MDGA2: variants seen among roughly 807,000 people sequenced by gnomAD.
MDGA2 encodes MAM domain containing glycosylphosphatidylinositol anchor 2.
Under a neutral mutation model 117.8 loss-of-function variants are expected in MDGA2, and 40 were observed. That is an observed-to-expected ratio of 0.34 (90% CI 0.26 to 0.44). MDGA2 has a LOEUF of 0.44. MDGA2 is among the 20% of genes least tolerant of loss of function. The probability of loss-of-function intolerance (pLI) is 1.00; values close to 1 mark genes in which losing one functional copy is unlikely to be tolerated. For missense variants in MDGA2, 1,123 were observed against 1,250.6 expected (o/e 0.90, Z 1.54); for synonymous variants, 452 against 439.0 (o/e 1.03, Z -0.37).
At chr14:47,097,732 T>A (rs1880060434) in intron 5 of MDGA2, among the ~76,000 whole-genome samples, 8 of 152,014 alleles carry the variant, frequency 5.3e-5, no homozygotes, top group Admixed American at 5.3e-4. Context: ...TACAAAGGTC[T>A]AGGCAGTGAG....
At chr14:47,151,744 AAAT>A (rs1170578254) in intron 3 of MDGA2, among the ~76,000 whole-genome samples, 2 of 151,948 alleles carry the variant, frequency 1.3e-5, no homozygotes, top group African/African-American at 2.4e-5. Context: ...ACAGTAATGT[AAAT>A]AATTATCTTA....
intron 1 of MDGA2, among the ~76,000 whole-genome samples, chr14:47,587,732 G>A (rs184670834): frequency 6.1e-4 from 93 of 151,944 alleles, no homozygotes; most frequent in Non-Finnish European, 6.9e-4. Context: ...CAATCTGCAA[G>A]CCATAAACTT....
intron 5 of MDGA2, among the ~76,000 whole-genome samples, chr14:47,110,798 AATCTATGATATATCT>A (rs1230832995): frequency 6.6e-6 from 1 of 152,154 alleles, no homozygotes; most frequent in Non-Finnish European, 1.5e-5. Flanking sequence ...ATAGCCTCTT[AATCTATGATATATCT>A]ATGTTTGGCT....
intron 5 of MDGA2, among the ~76,000 whole-genome samples, chr14:47,117,514 C>G (rs1405028972): frequency 6.6e-6 from 1 of 152,006 alleles, no homozygotes; most frequent in East Asian, 1.9e-4. Flanking sequence ...TGTGCATCAA[C>G]TGATGAATGA....
chr14:47,520,561 T>C (rs116661984), intron 1 of MDGA2, among the ~76,000 whole-genome samples: 2,192 of 152,236 alleles, frequency 0.014, 42 homozygotes, highest in African/African-American at 0.049. Flanking sequence ...TATTAGTCAT[T>C]TTTTTCTATG....
At chr14:47,593,204 T>C (rs969777045) in intron 1 of MDGA2, among the ~76,000 whole-genome samples, 1 of 152,148 alleles carries the variant, frequency 6.6e-6, no homozygotes, top group Non-Finnish European at 1.5e-5. Context: ...CCCGTCTGAA[T>C]GGCAATTACT....
At position 47,320,259 on chromosome 14, in the gene MDGA2, G is replaced by A. The variant is rs532574450; in HGVS notation, c.281-18709C>T. 2.2e-4 allele frequency among the ~76,000 whole-genome samples: 33 copies of A among 152,220 alleles called. 1 individual carries two copies. Among genetic ancestry groups the A allele is most frequent in the African/African-American group, 7.7e-4 (32 of 41,542 alleles). On this transcript the variant is annotated intron_variant, in intron 1 of 16. Coordinates refer to ENST00000399232, the MANE Select transcript of MDGA2 (RefSeq NM_001113498.3). ...TGGCTGGGTGTGGTGACTTATGCCT[G>A]TAATCTTAACCCATTGGGAAGCCAA...
At chr14:47,265,452 T>C (rs1326198234) in intron 2 of MDGA2, among the ~76,000 whole-genome samples, 1 of 152,128 alleles carries the variant, frequency 6.6e-6, no homozygotes, top group Non-Finnish European at 1.5e-5. Flanking sequence ...GCAAAATTCA[T>C]ATTTTAAATA....
At chr14:47,651,500 T>C (rs1897643812) in intron 1 of MDGA2, among the ~76,000 whole-genome samples, 1 of 152,016 alleles carries the variant, frequency 6.6e-6, no homozygotes, top group African/African-American at 2.4e-5. Context: ...AGAATGATAG[T>C]AGAGGTTCAA....
At chr14:47,236,392 A>G (rs865807446) in intron 2 of MDGA2, among the ~76,000 whole-genome samples, 2 of 151,972 alleles carry the variant, frequency 1.3e-5, no homozygotes, top group African/African-American at 4.8e-5. Flanking sequence ...TAAGCCTAGT[A>G]GGAAATGTGT....
intron 6 of MDGA2, among the ~76,000 whole-genome samples, chr14:47,088,831 T>A (rs1477202253): frequency 1.3e-5 from 2 of 152,180 alleles, no homozygotes; most frequent in African/African-American, 4.8e-5. Context: ...TCTTTAAAAG[T>A]TTTGTACAGT....
At chr14:47,136,304 C>T (rs1274878857) in intron 4 of MDGA2, among the ~76,000 whole-genome samples, 1 of 150,638 alleles carries the variant, frequency 6.6e-6, no homozygotes. Context: ...TCAAGCGATT[C>T]CCATGCTTCA....
chr14:47,027,379 A>T (rs1284285211), intron 8 of MDGA2, among the ~76,000 whole-genome samples: 3 of 152,038 alleles, frequency 2.0e-5, no homozygotes, highest in Admixed American at 2.0e-4. Flanking sequence ...TTGTACCTTT[A>T]ATCATTCTGT....
chr14:47,287,679 T>G (rs1399507360), intron 2 of MDGA2, among the ~76,000 whole-genome samples: 1 of 152,118 alleles, frequency 6.6e-6, no homozygotes, highest in Non-Finnish European at 1.5e-5. Flanking sequence ...TTTCAATGAA[T>G]AAATAATATA....
At chr14:47,449,497 T>C (rs1893195526) in intron 1 of MDGA2, among the ~76,000 whole-genome samples, 1 of 152,180 alleles carries the variant, frequency 6.6e-6, no homozygotes. Flanking sequence ...AGCATAACTT[T>C]TTGTTTGTAA....
chr14:46,902,608 G>T (rs751367557), intron 10 of MDGA2, among the ~76,000 whole-genome samples: 16 of 152,130 alleles, frequency 1.1e-4, no homozygotes, highest in African/African-American at 3.6e-4. Flanking sequence ...AATAAGGTAA[G>T]CATAGCATTG....
At chr14:47,446,740 A>T (rs536696578) in intron 1 of MDGA2, among the ~76,000 whole-genome samples, 909 of 72,398 alleles carry the variant, frequency 0.013, 13 homozygotes, top group African/African-American at 0.032. Flanking sequence ...AAGTAAAATT[A>T]AAAAAAGCCT....
intron 1 of MDGA2, among the ~76,000 whole-genome samples, chr14:47,586,529 CA>C (rs775178484): frequency 2.0e-5 from 3 of 151,966 alleles, no homozygotes; most frequent in Non-Finnish European, 4.4e-5. Flanking sequence ...GTTATATCTG[CA>C]GACATCAGGA....
chr14:47,375,641 A>G (rs1451505421), intron 1 of MDGA2, among the ~76,000 whole-genome samples: 1 of 152,052 alleles, frequency 6.6e-6, no homozygotes, highest in African/African-American at 2.4e-5. Context: ...TACTCGTCCA[A>G]TCCTCGCAAC....
Sources: gnomAD v4.1 joint callset for allele counts (sites outside exome capture counted in the v4.1 genomes callset) on GRCh38, gnomAD v4.1.1 for gene constraint, MANE v1.5 for transcripts, NCBI Gene and HGNC (gene_info 2026-07-23, HGNC 2026-07-21) for gene names.